The following THEM4 variants were observed in gnomAD, a reference collection of about 807,000 sequenced individuals.
THEM4 encodes the protein acyl-coenzyme A thioesterase THEM4.
In THEM4, 22 loss-of-function variants were observed where a neutral mutation model predicts 25.0. That is an observed-to-expected ratio of 0.88 (90% CI 0.63 to 1.26). THEM4 has a LOEUF of 1.26. THEM4 is among the 50% of genes most tolerant of loss of function. The pLI, the probability that THEM4 is intolerant of heterozygous loss-of-function variation, is 0.00. For synonymous variants in THEM4, 113 were observed against 105.6 expected (o/e 1.07, Z -0.43); for missense variants, 286 against 300.3 (o/e 0.95, Z 0.35).
chr1:151,890,102 C>T (rs1654062034), intron 2 of THEM4: 2 of 391,154 alleles, frequency 5.1e-6, no homozygotes. Context: ...GACGGGGTTT[C>T]TCCGTGTTGG....
At chr1:151,877,710 A>C (rs1200982811) in intron 4 of THEM4, among the ~76,000 whole-genome samples, 1 of 152,196 alleles carries the variant, frequency 6.6e-6, no homozygotes, top group Non-Finnish European at 1.5e-5. Flanking sequence ...TGAGCACTTG[A>C]AATGTGGCTA....
At position 151,888,262 on chromosome 1, in the gene THEM4, T is replaced by C. The variant is rs774969057; in HGVS notation, c.557+11A>G. 11 of 1,602,462 alleles carry C rather than the reference T, an allele frequency of 6.9e-6. No individual in the cohort carries two copies. The South Asian group carries it at 1.2e-4, about 18-fold the overall frequency. On this transcript the variant is annotated intron_variant, in intron 4 of 5. Coordinates refer to ENST00000368814, the MANE Select transcript of THEM4 (RefSeq NM_053055.5). ...CACCTAAGGATAAATAGAGAATTAC[T>C]GTGAATTTACCTTTTATAATTGATG...
chr1:151,878,777 T>G (rs1165609475), intron 4 of THEM4, among the ~76,000 whole-genome samples: 1 of 152,182 alleles, frequency 6.6e-6, no homozygotes, highest in Non-Finnish European at 1.5e-5. Context: ...TTGTTTTCCT[T>G]CGTTTAGCTA....
At chr1:151,884,455 C>T (rs79181240) in intron 4 of THEM4, among the ~76,000 whole-genome samples, 26 of 152,194 alleles carry the variant, frequency 1.7e-4, no homozygotes, top group East Asian at 3.9e-4. Flanking sequence ...GCCCACAAGG[C>T]GGGGTAGTTA....
At chr1:151,887,831 C>T (rs1344793481) in intron 4 of THEM4, among the ~76,000 whole-genome samples, 2 of 152,170 alleles carry the variant, frequency 1.3e-5, no homozygotes, top group Non-Finnish European at 2.9e-5. Context: ...GATGTTGGTG[C>T]TCCACCCAGA....
chr1:151,908,476 T>C (rs1444265138), intron 1 of THEM4, among the ~76,000 whole-genome samples: 2 of 152,196 alleles, frequency 1.3e-5, no homozygotes, highest in Non-Finnish European at 2.9e-5. Context: ...ATTTGTCGAT[T>C]CCCCTGCCCT....
rs1653598812 is a variant in THEM4, at chr1:151,873,383, C to T, written c.*1505G>A. The stretch of plus-strand genomic sequence containing the variant: ...CCTCTGTATGCTGAGCACCGGTCCC[C>T]TGGGCCCAGGGTTCTTTCTTTATAC... On this transcript the variant is annotated 3_prime_UTR_variant, in exon 6 of 6. Coordinates refer to ENST00000368814, the MANE Select transcript of THEM4 (RefSeq NM_053055.5). Among the ~76,000 whole-genome samples the T allele has an allele frequency of 6.6e-6, 1 of 152,152 alleles. No individual in the cohort carries two copies. The highest frequency in any genetic ancestry group is 2.4e-5 in the African/African-American group (1 of 41,436).
chr1:151,895,310 C>G, intron 1 of THEM4, 116 bp from the exon 2 acceptor site: 1 of 906,926 alleles, frequency 1.1e-6, no homozygotes, highest in Non-Finnish European at 1.6e-6. Context: ...AAGCTTGTCA[C>G]TTCAAAATGG....
intron 4 of THEM4, among the ~76,000 whole-genome samples, chr1:151,880,385 G>A (rs2101717154): frequency 6.6e-6 from 1 of 152,162 alleles, no homozygotes; most frequent in South Asian, 2.1e-4. Flanking sequence ...GGCTGAGACA[G>A]GAGAATTGCT....
chr1:151,903,501 A>G (rs1001634847), intron 1 of THEM4, among the ~76,000 whole-genome samples: 5 of 152,216 alleles, frequency 3.3e-5, no homozygotes, highest in East Asian at 1.9e-4. Flanking sequence ...ATTATTTCCA[A>G]TCTTTTGCTG....
chr1:151,905,635 G>A lies in THEM4; in HGVS notation c.99+3725C>T, dbSNP rs773113766. Among the ~76,000 whole-genome samples, 12 of 152,200 alleles carry A rather than the reference G, an allele frequency of 7.9e-5. 1 individual carries two copies. The highest frequency in any genetic ancestry group is 1.5e-4 in the Non-Finnish European group (10 of 68,036). ...AAAGAAACCAGGGCTCAAAGGATGTGCTCTGGAGACTCTTCCAGCACTCCC... is the reference window on the plus strand; with the variant it reads ...AAAGAAACCAGGGCTCAAAGGATGTACTCTGGAGACTCTTCCAGCACTCCC... On this transcript the variant is annotated intron_variant, in intron 1 of 5. Coordinates refer to ENST00000368814, the MANE Select transcript of THEM4 (RefSeq NM_053055.5).
At chr1:151,875,959 C>G (rs1326682357) in intron 5 of THEM4, among the ~76,000 whole-genome samples, 2 of 152,150 alleles carry the variant, frequency 1.3e-5, no homozygotes, top group African/African-American at 4.8e-5. Context: ...GAGACATGAA[C>G]AAGAATGTTT....
chr1:151,887,307 G>A (rs569640221), intron 4 of THEM4, among the ~76,000 whole-genome samples: 39 of 152,068 alleles, frequency 2.6e-4, no homozygotes, highest in Non-Finnish European at 5.1e-4. Context: ...GTGCATGCCT[G>A]TAATACCAGC....
intron 4 of THEM4, among the ~76,000 whole-genome samples, chr1:151,882,024 A>G (rs1416318224): frequency 6.6e-6 from 1 of 152,008 alleles, no homozygotes; most frequent in Non-Finnish European, 1.5e-5. Flanking sequence ...TGCTGGATTC[A>G]GGGTAATTTT....
intron 4 of THEM4, among the ~76,000 whole-genome samples, chr1:151,878,636 T>C (rs1446819750): frequency 6.6e-6 from 1 of 152,180 alleles, no homozygotes; most frequent in African/African-American, 2.4e-5. Flanking sequence ...AAGTCCTAGA[T>C]TAGTAAAGAG....
At chr1:151,888,432 T>G in intron 3 of THEM4, 49 bp from the exon 4 acceptor site, 1 of 1,411,628 alleles carries the variant, frequency 7.1e-7, no homozygotes, top group Non-Finnish European at 9.8e-7. Flanking sequence ...GTTCTGAAGA[T>G]AGAGAGCCTC....
chr1:151,906,611 G>A (rs1654474626), intron 1 of THEM4, among the ~76,000 whole-genome samples: 1 of 152,226 alleles, frequency 6.6e-6, no homozygotes, highest in African/African-American at 2.4e-5. Flanking sequence ...GAGTCTAGTG[G>A]GAACTTGGAG....
intron 1 of THEM4, among the ~76,000 whole-genome samples, chr1:151,904,100 AG>A (rs1296770070): frequency 3.9e-5 from 6 of 152,222 alleles, no homozygotes; most frequent in African/African-American, 1.4e-4. Flanking sequence ...ACGGATAAAA[AG>A]TTCATTAAGG....
chr1:151,883,731 C>T (rs1443025843), intron 4 of THEM4, among the ~76,000 whole-genome samples: 2 of 151,182 alleles, frequency 1.3e-5, no homozygotes, highest in African/African-American at 4.9e-5. Context: ...CAGGTTCAAG[C>T]GATTCTCCTG....
Sources: gnomAD v4.1 joint callset for allele counts (sites outside exome capture counted in the v4.1 genomes callset) on GRCh38, gnomAD v4.1.1 for gene constraint, MANE v1.5 for transcripts, NCBI Gene and HGNC (gene_info 2026-07-23, HGNC 2026-07-21) for gene names.